The following EXOC6B variants were observed in gnomAD, a reference collection of about 807,000 sequenced individuals.
EXOC6B encodes the protein SEC15 homolog B.
In EXOC6B, 54 loss-of-function variants were observed where a neutral mutation model predicts 113.5. The observed-to-expected ratio is 0.48, with a 90% confidence interval of 0.38 to 0.60. EXOC6B has a LOEUF of 0.60. Among genes scored for constraint, EXOC6B ranks in the 20% least tolerant of loss-of-function variants. The probability of loss-of-function intolerance (pLI) is 0.00; values close to 1 mark genes in which losing one functional copy is unlikely to be tolerated. For missense variants in EXOC6B, 797 were observed against 977.5 expected (o/e 0.82, Z 2.46); for synonymous variants, 357 against 339.0 (o/e 1.05, Z -0.58).
intron 20 of EXOC6B, among the ~76,000 whole-genome samples, chr2:72,192,023 C>T (rs965591385): frequency 7.9e-5 from 12 of 152,170 alleles, no homozygotes; most frequent in Non-Finnish European, 1.6e-4. Context: ...CTTGTTCCTC[C>T]TCCTGGACTG....
At chr2:72,610,763 T>C (rs1671026619) in intron 6 of EXOC6B, among the ~76,000 whole-genome samples, 1 of 152,070 alleles carries the variant, frequency 6.6e-6, no homozygotes, top group Admixed American at 6.6e-5. Context: ...TTTAATACCC[T>C]CCACCACCAT....
Position 72,459,629 on chromosome 2 carries a change from C to T in EXOC6B, c.1980+5531G>A, listed in dbSNP as rs1158318810. 3.9e-5 allele frequency among the ~76,000 whole-genome samples: 6 copies of T among 152,188 alleles called. No individual in the cohort carries two copies. In the South Asian group the frequency reaches 1.0e-3, roughly 26 times the overall value. On this transcript the variant is annotated intron_variant, in intron 18 of 21. Coordinates refer to ENST00000272427, the MANE Select transcript of EXOC6B (RefSeq NM_015189.3). Reference sequence around the variant, plus strand: ...AATTGCTTCAAGGAGAATAAAATACCTAGGAATCCAACTTACAAGGGATGT... The same window carrying T: ...AATTGCTTCAAGGAGAATAAAATACTTAGGAATCCAACTTACAAGGGATGT...
At chr2:72,770,655 T>C (rs1346883557) in intron 1 of EXOC6B, among the ~76,000 whole-genome samples, 1 of 152,182 alleles carries the variant, frequency 6.6e-6, no homozygotes, top group Non-Finnish European at 1.5e-5. Flanking sequence ...GGATTACAAA[T>C]GAGAGATTAT....
chr2:72,762,261 A>G (rs576669585), intron 1 of EXOC6B, among the ~76,000 whole-genome samples: 1 of 151,902 alleles, frequency 6.6e-6, no homozygotes, highest in African/African-American at 2.4e-5. Context: ...AAAAAAAAGA[A>G]AAGAAAAGAA....
At chr2:72,358,187 C>T (rs1690085940) in intron 19 of EXOC6B, among the ~76,000 whole-genome samples, 1 of 152,012 alleles carries the variant, frequency 6.6e-6, no homozygotes, top group African/African-American at 2.4e-5. Context: ...TATGTTCTGT[C>T]ACCTGTAAAG....
At chr2:72,404,736 G>A (rs899169004) in intron 18 of EXOC6B, among the ~76,000 whole-genome samples, 14 of 152,300 alleles carry the variant, frequency 9.2e-5, no homozygotes, top group African/African-American at 2.9e-4. Context: ...ACCAAAGGTA[G>A]ATAAAACCAC....
intron 1 of EXOC6B, among the ~76,000 whole-genome samples, chr2:72,782,633 T>C (rs868376644): frequency 2.0e-5 from 3 of 152,326 alleles, no homozygotes; most frequent in Middle Eastern, 6.8e-3. Context: ...TTATTCCTTC[T>C]AACTGTGTAT....
intron 18 of EXOC6B, 75 bp from the exon 19 acceptor site, chr2:72,379,945 AATT>A (rs1400042026): frequency 3.0e-5 from 41 of 1,383,826 alleles, no homozygotes; most frequent in Non-Finnish European, 3.6e-5. Flanking sequence ...CAAAACTTAA[AATT>A]ACTTCTTTTT....
At chr2:72,228,709 A>G (rs1458781141) in intron 20 of EXOC6B, among the ~76,000 whole-genome samples, 2 of 152,204 alleles carry the variant, frequency 1.3e-5, no homozygotes, top group African/African-American at 4.8e-5. Flanking sequence ...TATTGTGAAT[A>G]GTGCTGCAAT....
intron 20 of EXOC6B, among the ~76,000 whole-genome samples, chr2:72,189,699 A>G (rs1678686047): frequency 6.6e-6 from 1 of 151,470 alleles, no homozygotes; most frequent in Non-Finnish European, 1.5e-5. Flanking sequence ...TCCATTTGTT[A>G]TTGGCACAAA....
In EXOC6B at chr2:72,557,871, C is replaced by T. The variant is rs560554709; in HGVS notation, c.915+1582G>A. Reference sequence around the variant, plus strand: ...TAATTTTATTTTTGTTAAAAGTGTCCGAAAATACACAGAACATAAATAATG... The same window carrying T: ...TAATTTTATTTTTGTTAAAAGTGTCTGAAAATACACAGAACATAAATAATG... On this transcript the variant is annotated intron_variant, in intron 8 of 21. Coordinates refer to ENST00000272427, the MANE Select transcript of EXOC6B (RefSeq NM_015189.3). Among the ~76,000 whole-genome samples the T allele has an allele frequency of 7.3e-5, 11 of 151,538 alleles. 1 individual carries two copies. In the South Asian group the frequency reaches 1.0e-3, roughly 14 times the overall value.
intron 14 of EXOC6B, 33 bp from the exon 15 acceptor site, chr2:72,495,572 C>G: frequency 8.7e-7 from 1 of 1,150,494 alleles, no homozygotes; most frequent in Non-Finnish European, 1.3e-6. Flanking sequence ...AATCAAGTCA[C>G]AAACCAACGA....
At chr2:72,616,602 C>T (rs1022028515) in intron 6 of EXOC6B, among the ~76,000 whole-genome samples, 3 of 152,150 alleles carry the variant, frequency 2.0e-5, no homozygotes, top group Admixed American at 6.5e-5. Context: ...TGCAGGGAAG[C>T]TCTAGTTTTT....
At chr2:72,733,013 A>G (rs1680737071) in intron 3 of EXOC6B, 58 bp downstream of exon 3, 2 of 1,181,106 alleles carry the variant, frequency 1.7e-6, no homozygotes, top group Non-Finnish European at 1.2e-6. Flanking sequence ...TAACATAGTC[A>G]TTAAAAGAGA....
chr2:72,514,139 A>T (rs1701090955), intron 10 of EXOC6B, among the ~76,000 whole-genome samples: 1 of 152,086 alleles, frequency 6.6e-6, no homozygotes, highest in South Asian at 2.1e-4. Context: ...TGTTTTTATA[A>T]AGATTGTTTT....
intron 20 of EXOC6B, among the ~76,000 whole-genome samples, chr2:72,298,261 C>A (rs1234183229): frequency 1.3e-5 from 2 of 151,962 alleles, no homozygotes; most frequent in Non-Finnish European, 2.9e-5. Flanking sequence ...CTCTTTTGAT[C>A]TTTGTTGGTT....
At chr2:72,545,410 TTAAGTG>T (rs1430607689) in intron 8 of EXOC6B, among the ~76,000 whole-genome samples, 1 of 152,160 alleles carries the variant, frequency 6.6e-6, no homozygotes, top group Admixed American at 6.5e-5. Context: ...CAGATTAACT[TTAAGTG>T]TATGTTCCAA....
intron 19 of EXOC6B, among the ~76,000 whole-genome samples, chr2:72,342,317 A>AC (rs1689077738): frequency 6.6e-6 from 1 of 152,154 alleles, no homozygotes; most frequent in Admixed American, 6.5e-5. Context: ...AATAAAACTA[A>AC]GAGTTAGCTT....
intron 17 of EXOC6B, 60 bp from the exon 18 acceptor site, chr2:72,465,399 AT>A: frequency 7.4e-7 from 1 of 1,354,684 alleles, no homozygotes. Flanking sequence ...AGAAATTTCT[AT>A]GAGCTTAGAG....
Sources: gnomAD v4.1 joint callset for allele counts (sites outside exome capture counted in the v4.1 genomes callset) on GRCh38, gnomAD v4.1.1 for gene constraint, MANE v1.5 for transcripts, NCBI Gene and HGNC (gene_info 2026-07-23, HGNC 2026-07-21) for gene names.